Variants in ZNF559 observed in about 807,000 individuals in gnomAD.
ZNF559 encodes the protein zinc finger protein 559, also known as putative protein product of Nbla00121.
In ZNF559, 17 loss-of-function variants were observed where a neutral mutation model predicts 14.2. The observed-to-expected ratio is 1.20, with a 90% CI of 0.82 to 1.80. ZNF559 has a LOEUF of 1.80. ZNF559 is among the 40% of genes most tolerant of loss of function. The pLI, the probability that ZNF559 is intolerant of heterozygous loss-of-function variation, is 0.00. For missense variants in ZNF559, 740 were observed against 629.7 expected, an observed-to-expected ratio of 1.18 and a Z score of -1.88; for synonymous variants, 244 against 212.4, an observed-to-expected ratio of 1.15 and a Z score of -1.29.
chr19:9,323,958 G>T, upstream of ZNF559: 2 of 567,896 alleles, frequency 3.5e-6, no homozygotes, highest in East Asian at 2.8e-5. Flanking sequence ...TTGCTTTGCT[G>T]GGCGTTTTGT....
At chr19:9,329,466 A>G (rs373670224) in intron 2 of ZNF559, among the ~76,000 whole-genome samples, 2 of 152,168 alleles carry the variant, frequency 1.3e-5, no homozygotes, top group Non-Finnish European at 2.9e-5. Flanking sequence ...CTTTTGATAA[A>G]TTGGTCCATT....
intron 5 of ZNF559, among the ~76,000 whole-genome samples, chr19:9,340,191 C>T (rs930065436): frequency 6.6e-6 from 1 of 151,956 alleles, no homozygotes; most frequent in Non-Finnish European, 1.5e-5. Context: ...AAAGACAGCG[C>T]AGAAAATTCT....
In ZNF559 at chr19:9,343,633, A is replaced by G. The variant is rs1360281512; in HGVS notation, c.*565A>G. 40 of 989,074 alleles carry G rather than the reference A, an allele frequency of 4.0e-5. No individual in the cohort carries two copies. Among genetic ancestry groups the G allele is most frequent in the Admixed American group, 5.8e-5 (1 of 17,234 alleles). 61.3% of individuals were successfully genotyped at this position (989,074 alleles called of 1,614,324 possible). ...GTCAAAGCACACATTGAGAAGTCCCATGAGTGAAAGAGATGTTGGAAAGCC... is the reference window on the plus strand; with the variant it reads ...GTCAAAGCACACATTGAGAAGTCCCGTGAGTGAAAGAGATGTTGGAAAGCC... On this transcript the variant is annotated 3_prime_UTR_variant, in exon 7 of 7. Coordinates refer to ENST00000603380, the MANE Select transcript of ZNF559 (RefSeq NM_032497.3).
intron 2 of ZNF559, among the ~76,000 whole-genome samples, chr19:9,332,588 C>G (rs908381401): frequency 6.6e-6 from 1 of 152,082 alleles, no homozygotes; most frequent in Non-Finnish European, 1.5e-5. Context: ...ATACTATGGT[C>G]TAATATTAGG....
chr19:9,324,626 C>T (rs1308365429), intron 1 of ZNF559, 69 bp from the exon 2 acceptor site: 13 of 1,041,208 alleles, frequency 1.2e-5, no homozygotes, highest in Middle Eastern at 2.2e-4. Context: ...AGACCCCCCC[C>T]CCCAACCATC....
intron 1 of ZNF559, 76 bp downstream of exon 1, chr19:9,324,304 G>C: frequency 1.3e-6 from 2 of 1,535,698 alleles, no homozygotes; most frequent in Non-Finnish European, 8.7e-7. Flanking sequence ...GGAAAGGGGA[G>C]GTGCCCAGTG....
At chr19:9,324,537 C>A in intron 1 of ZNF559, 158 bp from the exon 2 acceptor site, 1 of 1,238,306 alleles carries the variant, frequency 8.1e-7, no homozygotes, top group South Asian at 1.6e-5. Context: ...TCACGCCTGT[C>A]ATTCCCAGCG....
chr19:9,335,823 C>T (rs750076278), intron 2 of ZNF559, among the ~76,000 whole-genome samples: 16 of 152,220 alleles, frequency 1.1e-4, no homozygotes, highest in Non-Finnish European at 2.2e-4. Flanking sequence ...GCATGAGTCA[C>T]ACCCCAAATA....
chr19:9,343,931 C>T lies in ZNF559; in HGVS notation c.*863C>T. 2.0e-6 allele frequency: 1 copy of T among 501,354 alleles called. No homozygotes were observed. The highest frequency in any genetic ancestry group is 2.6e-6 in the Non-Finnish European group (1 of 388,118). 31.1% of individuals were successfully genotyped at this position (501,354 alleles called of 1,614,324 possible). A position where few individuals can be genotyped will look rare whatever the true frequency, so the allele number is the denominator to read the frequency against. ...CCACTCTTTCCCCCATTTGTCACTACTACACTTCCCTAGTCTTTAAAACAA... is the reference window on the plus strand; with the variant it reads ...CCACTCTTTCCCCCATTTGTCACTATTACACTTCCCTAGTCTTTAAAACAA... On this transcript the variant is annotated 3_prime_UTR_variant, in exon 7 of 7. Coordinates refer to ENST00000603380, the MANE Select transcript of ZNF559 (RefSeq NM_032497.3).
At chr19:9,333,958 A>G (rs1415854222) in intron 2 of ZNF559, among the ~76,000 whole-genome samples, 2 of 146,532 alleles carry the variant, frequency 1.4e-5, no homozygotes, top group African/African-American at 5.2e-5. Context: ...CTACACATAT[A>G]TCAGAATGGC....
intron 2 of ZNF559, among the ~76,000 whole-genome samples, chr19:9,332,284 A>G (rs1662324584): frequency 6.6e-6 from 1 of 152,018 alleles, no homozygotes; most frequent in Admixed American, 6.6e-5. Context: ...TCAATCTGGC[A>G]TTTCTGGGAT....
intron 2 of ZNF559, among the ~76,000 whole-genome samples, chr19:9,327,062 C>G (rs1474696512): frequency 6.6e-6 from 1 of 152,086 alleles, no homozygotes; most frequent in Non-Finnish European, 1.5e-5. Context: ...CATATTATAT[C>G]CTATCAGTAG....
chr19:9,337,806 A>G lies in ZNF559; in HGVS notation c.-109A>G. ...CTTCATCTTCTGCAGAGAGATGGCT[A>G]ATGAATGGCGCTTGATGACAGATGA... is the stretch of plus-strand genomic sequence containing the variant. On this transcript the variant is annotated 5_prime_UTR_variant, in exon 3 of 7. Coordinates refer to ENST00000603380, the MANE Select transcript of ZNF559 (RefSeq NM_032497.3). 3 of 1,448,464 alleles carry G rather than the reference A, an allele frequency of 2.1e-6. No homozygotes were observed. Among genetic ancestry groups the G allele is most frequent in the Non-Finnish European group, 1.8e-6 (2 of 1,103,658 alleles). 89.7% of individuals were successfully genotyped at this position (1,448,464 alleles called of 1,614,324 possible).
Position 9,342,566 on chromosome 19 carries a change from T to A in ZNF559, c.1115T>A (p.Met372Lys). The change falls in exon 7 of 7, where the codon ATG becomes AAG. Residue 372 changes from methionine to lysine, a missense_variant. Transcript: ENST00000603380. Reference protein sequence around the residue: ...FANSSHLTVHMRTHTGEKPYQ... With the variant: ...FANSSHLTVHKRTHTGEKPYQ... ...AACTCTTCACATCTTACTGTACATA[T>A]GAGAACTCACACTGGTGAGAAGCCT... 1 of 1,613,908 alleles carries A rather than the reference T, an allele frequency of 6.2e-7. No homozygotes were observed. Among genetic ancestry groups the A allele is most frequent in the Non-Finnish European group, 8.5e-7 (1 of 1,179,968 alleles).
At position 9,341,813 on chromosome 19, in the gene ZNF559, G is replaced by A. The variant is rs766333903; in HGVS notation, c.362G>A (p.Cys121Tyr). The change falls in exon 7 of 7, where the codon TGT (cysteine) becomes TAT (tyrosine). Residue 121 changes from cysteine to tyrosine, a missense_variant. Transcript: ENST00000603380. ...RTYFRKKTCECNQCEKAFRKP... is the reference protein window; with the variant it reads ...RTYFRKKTCEYNQCEKAFRKP... ...TACTTTAGAAAGAAAACCTGTGAGT[G>A]TAATCAATGTGAAAAAGCCTTCAGA... 1.9e-6 allele frequency: 3 copies of A among 1,611,200 alleles called. No homozygotes were observed. Among genetic ancestry groups the A allele is most frequent in the South Asian group, 1.1e-5 (1 of 90,346 alleles).
intron 5 of ZNF559, among the ~76,000 whole-genome samples, chr19:9,339,807 C>G (rs367891270): frequency 9.6e-5 from 14 of 145,964 alleles, no homozygotes; most frequent in African/African-American, 3.3e-4. Flanking sequence ...CTTGCTCTGT[C>G]ACCCAGGCTG....
chr19:9,338,524 A>G lies in ZNF559; in HGVS notation c.-26A>G. On this transcript the variant is annotated 5_prime_UTR_variant, in exon 4 of 7. It removes an upstream start codon present in the reference 5' UTR. Transcript: ENST00000603380. ...CTTTCTCAAGATGTTTTCTGTCTTC[A>G]TGAGTCAAAATTTGAAGAGGAAAGG... 1 of 1,613,950 alleles carries G rather than the reference A, an allele frequency of 6.2e-7. No homozygotes were observed. The highest frequency in any genetic ancestry group is 8.5e-7 in the Non-Finnish European group (1 of 1,179,886).
In ZNF559 at chr19:9,324,704, C is replaced by T. The variant is rs897333040; in HGVS notation, c.-196C>T. 4.6e-6 allele frequency: 7 copies of T among 1,532,528 alleles called. No homozygotes were observed. The highest frequency in any genetic ancestry group is 1.4e-5 in the African/African-American group (1 of 72,086). 94.9% of individuals were successfully genotyped at this position (1,532,528 alleles called of 1,614,324 possible). On this transcript the variant is annotated 5_prime_UTR_variant, in exon 2 of 7. Coordinates refer to ENST00000603380, the MANE Select transcript of ZNF559 (RefSeq NM_032497.3). ...GCCTTTTCTCTATAAGGAACAGCAT[C>T]TCTGCCTTCCTGTTCACGGTGACCT...
intron 1 of ZNF559, 148 bp downstream of exon 1, chr19:9,324,376 G>A: frequency 6.7e-7 from 1 of 1,492,014 alleles, no homozygotes; most frequent in Admixed American, 2.1e-5. Flanking sequence ...CTCCCAAGTC[G>A]CGGCCCCTCC....
Sources: gnomAD v4.1 joint callset for allele counts (sites outside exome capture counted in the v4.1 genomes callset) on GRCh38, gnomAD v4.1.1 for gene constraint, MANE v1.5 for transcripts, NCBI Gene and HGNC (gene_info 2026-07-23, HGNC 2026-07-21) for gene names.